PALM2AKAP2: variants seen among roughly 807,000 people sequenced by gnomAD.
PALM2AKAP2 encodes the protein PALM2 and AKAP2 fusion.
A neutral mutation model predicts 71.5 loss-of-function variants in PALM2AKAP2; 37 were observed. The observed-to-expected ratio is 0.52, with a 90% confidence interval of 0.40 to 0.68. The LOEUF (loss-of-function observed/expected upper bound fraction) is 0.68, where lower values mean the gene tolerates loss of function less well. PALM2AKAP2 is among the 30% of genes least tolerant of loss of function. The pLI, the probability that PALM2AKAP2 is intolerant of heterozygous loss-of-function variation, is 0.00. For missense variants in PALM2AKAP2, 1,224 were observed against 1,191.8 expected (o/e 1.03, Z -0.40); for synonymous variants, 468 against 478.8 (o/e 0.98, Z 0.29).
At chr9:109,697,733 A>ATCT (rs1827993467) in intron 1 of PALM2AKAP2, among the ~76,000 whole-genome samples, 1 of 152,188 alleles carries the variant, frequency 6.6e-6, no homozygotes, top group African/African-American at 2.4e-5. Context: ...TCTATATCTT[A>ATCT]AGAATTATCT....
At chr9:109,810,991 A>G (rs533005483) in intron 1 of PALM2AKAP2, among the ~76,000 whole-genome samples, 19 of 152,172 alleles carry the variant, frequency 1.2e-4, no homozygotes, top group African/African-American at 4.3e-4. Context: ...GCTGGCAGGG[A>G]GGAAGGGGGA....
intron 2 of PALM2AKAP2, among the ~76,000 whole-genome samples, chr9:110,151,428 A>G (rs1043990815): frequency 2.6e-5 from 4 of 152,172 alleles, no homozygotes; most frequent in African/African-American, 9.7e-5. Flanking sequence ...CTGCACTCCC[A>G]TTCCTGAATT....
At chr9:109,730,593 AGTGT>A in intron 1 of PALM2AKAP2, among the ~76,000 whole-genome samples, 1 of 152,362 alleles carries the variant, frequency 6.6e-6, no homozygotes, top group East Asian at 1.9e-4. Context: ...TTTTGCCAGT[AGTGT>A]ACTTCTGACA....
At chr9:109,788,850 A>G (rs1405387293) in intron 1 of PALM2AKAP2, among the ~76,000 whole-genome samples, 2 of 152,210 alleles carry the variant, frequency 1.3e-5, no homozygotes, top group Non-Finnish European at 2.9e-5. Context: ...AGGTGGGAAG[A>G]TCGCTTAAGC....
chr9:109,926,498 G>A (rs1830958869), intron 5 of PALM2AKAP2, among the ~76,000 whole-genome samples: 4 of 152,138 alleles, frequency 2.6e-5, no homozygotes, highest in Admixed American at 1.3e-4. Flanking sequence ...GGTGGGGCAC[G>A]GATTGAGGAA....
At chr9:109,964,032 C>G (rs1831898685) in intron 6 of PALM2AKAP2, among the ~76,000 whole-genome samples, 1 of 152,194 alleles carries the variant, frequency 6.6e-6, no homozygotes, top group East Asian at 1.9e-4. Flanking sequence ...TCCAAGAACT[C>G]ACAATTTGAA....
At chr9:109,807,816 A>G (rs1033237659) in intron 1 of PALM2AKAP2, among the ~76,000 whole-genome samples, 7 of 152,306 alleles carry the variant, frequency 4.6e-5, no homozygotes, top group Middle Eastern at 3.4e-3. Context: ...GGGAAGGACT[A>G]TGTGGGAGAT....
At chr9:109,709,089 C>T (rs1014455371) in intron 1 of PALM2AKAP2, among the ~76,000 whole-genome samples, 1 of 152,166 alleles carries the variant, frequency 6.6e-6, no homozygotes, top group Non-Finnish European at 1.5e-5. Flanking sequence ...TCCTACCTTG[C>T]ACTACTCTTC....
Position 110,162,074 on chromosome 9 carries a change from G to C in PALM2AKAP2, c.2748+5577G>C, listed in dbSNP as rs779000318. ...GTGTCACTGCCATGTACTAACCCTG[G>C]TCTTTTCCCTCTCTGCCAGTACACT... On this transcript the variant is annotated intron_variant, in intron 3 of 3. Coordinates refer to ENST00000374525, the Ensembl canonical transcript of PALM2AKAP2. The C allele has an allele frequency of 6.2e-7, 1 of 1,613,704 alleles. No homozygotes were observed. The highest frequency in any genetic ancestry group is 1.3e-5 in the African/African-American group (1 of 74,812).
At chr9:110,020,717 T>C (rs1833059772) in intron 7 of PALM2AKAP2, among the ~76,000 whole-genome samples, 1 of 151,850 alleles carries the variant, frequency 6.6e-6, no homozygotes, top group Admixed American at 6.6e-5. Flanking sequence ...CTCTTCTTCA[T>C]AAATTACCCA....
At chr9:110,111,307 G>T (rs971732481) in intron 1 of PALM2AKAP2, among the ~76,000 whole-genome samples, 1 of 151,470 alleles carries the variant, frequency 6.6e-6, no homozygotes, top group African/African-American at 2.4e-5. Flanking sequence ...TGCCTAGGCT[G>T]GTCTTGAGCT....
intron 3 of PALM2AKAP2, among the ~76,000 whole-genome samples, chr9:109,922,963 A>C (rs1443679209): frequency 6.6e-6 from 1 of 152,260 alleles, no homozygotes; most frequent in Non-Finnish European, 1.5e-5. Context: ...AATAATCCAC[A>C]TGAATTCTTA....
intron 3 of PALM2AKAP2, among the ~76,000 whole-genome samples, chr9:109,916,290 C>T (rs1830690123): frequency 6.6e-6 from 1 of 152,176 alleles, no homozygotes; most frequent in South Asian, 2.1e-4. Flanking sequence ...GCACGGGTCC[C>T]CAGCAGCCAG....
intron 1 of PALM2AKAP2, among the ~76,000 whole-genome samples, chr9:110,087,237 C>T (rs1387988227): frequency 6.6e-6 from 1 of 152,202 alleles, no homozygotes; most frequent in African/African-American, 2.4e-5. Context: ...AGAAAGGTGT[C>T]CCCTTTTGTG....
chr9:109,842,820 G>C (rs1300398124), intron 1 of PALM2AKAP2, among the ~76,000 whole-genome samples: 2 of 152,076 alleles, frequency 1.3e-5, no homozygotes, highest in African/African-American at 4.8e-5. Context: ...TTTGCAACCA[G>C]CCTGGGCAAT....
Position 110,053,820 on chromosome 9 carries a change from G to C in PALM2AKAP2, c.156+4965G>C, listed in dbSNP as rs112874142. Among the ~76,000 whole-genome samples the C allele has an allele frequency of 6.4e-3, 981 of 152,290 alleles. 12 individuals are homozygous for C. The highest frequency in any genetic ancestry group is 0.047 in the South Asian group (224 of 4,816). On this transcript the variant is annotated intron_variant, in intron 1 of 3. Coordinates refer to ENST00000374525, the Ensembl canonical transcript of PALM2AKAP2. ...GGAAGGATGCATGAACTCGTTGAAG[G>C]GGGTGTGACATGAATGCCAGGGAAG...
intron 1 of PALM2AKAP2, among the ~76,000 whole-genome samples, chr9:110,052,358 A>G (rs1833728771): frequency 6.6e-6 from 1 of 152,238 alleles, no homozygotes; most frequent in African/African-American, 2.4e-5. Flanking sequence ...GAATGTTACC[A>G]TGGACCATGA....
intron 1 of PALM2AKAP2, among the ~76,000 whole-genome samples, chr9:109,655,056 G>A (rs748569726): frequency 5.3e-5 from 8 of 152,098 alleles, no homozygotes; most frequent in Non-Finnish European, 8.8e-5. Context: ...TTGGGAGGCC[G>A]AGGCAGGTGG....
At chr9:109,836,855 G>C (rs140818141) in intron 1 of PALM2AKAP2, among the ~76,000 whole-genome samples, 1 of 152,300 alleles carries the variant, frequency 6.6e-6, no homozygotes, top group Non-Finnish European at 1.5e-5. Context: ...AATGAACAAA[G>C]CCTCCAAGGA....
Sources: gnomAD v4.1 joint callset for allele counts (sites outside exome capture counted in the v4.1 genomes callset) on GRCh38, gnomAD v4.1.1 for gene constraint, MANE v1.5 for transcripts, NCBI Gene and HGNC (gene_info 2026-07-23, HGNC 2026-07-21) for gene names.